DRC11: variants seen among roughly 807,000 people sequenced by gnomAD.
DRC11 encodes the protein IQ and AAA domain-containing protein 1.
chr2:236,371,239 G>A, the DRC11 span, among the ~76,000 whole-genome samples: 1 of 152,138 alleles, frequency 6.6e-6, no homozygotes, highest in Non-Finnish European at 1.5e-5. The surrounding 1 kb of genome is among the most constrained non-coding windows in gnomAD (Gnocchi z 5.1). Flanking sequence ...GCTTTGCAGT[G>A]CTGGCCTCTG....
the DRC11 span, among the ~76,000 whole-genome samples, chr2:236,429,172 G>A: frequency 6.6e-6 from 1 of 152,154 alleles, no homozygotes; most frequent in African/African-American, 2.4e-5. The surrounding 1 kb of genome is among the most constrained non-coding windows in gnomAD (Gnocchi z 5.9). Flanking sequence ...CAAGTGTTGG[G>A]GTATGTGGTG....
At chr2:236,392,390 T>A in the DRC11 span, 16 of 1,173,770 alleles carry the variant, frequency 1.4e-5, no homozygotes, top group East Asian at 1.0e-4. This position sits in a 1 kb window ranked among gnomAD's most constrained non-coding sequence, Gnocchi z 5.1. Flanking sequence ...AAAGAAAAAA[T>A]TTTAAAAAGA....
the DRC11 span, among the ~76,000 whole-genome samples, chr2:236,470,523 A>G: frequency 6.6e-6 from 1 of 152,184 alleles, no homozygotes; most frequent in African/African-American, 2.4e-5. The surrounding 1 kb of genome is among the most constrained non-coding windows in gnomAD (Gnocchi z 5.1). Flanking sequence ...AATTTTGCAC[A>G]TGGAAGACCT....
chr2:236,353,069 C>A, the DRC11 span, among the ~76,000 whole-genome samples: 818 of 152,316 alleles, frequency 5.4e-3, 10 homozygotes, highest in African/African-American at 0.019. The surrounding 1 kb of genome is among the most constrained non-coding windows in gnomAD (Gnocchi z 5.0). Context: ...AAACTCTCTG[C>A]CAATTTGCTA....
At chr2:236,409,162 A>G in the DRC11 span, 8 of 328,008 alleles carry the variant, frequency 2.4e-5, no homozygotes, top group South Asian at 2.8e-4. Context: ...GCTAGAGTGC[A>G]GTGGTGCAAT....
the DRC11 span, among the ~76,000 whole-genome samples, chr2:236,459,458 G>A: frequency 6.8e-6 from 1 of 148,030 alleles, no homozygotes; most frequent in South Asian, 2.1e-4. Flanking sequence ...ATTGGAGAAA[G>A]AATTCCTAAA....
At chr2:236,436,536 T>C in the DRC11 span, among the ~76,000 whole-genome samples, 5 of 152,162 alleles carry the variant, frequency 3.3e-5, no homozygotes, top group Non-Finnish European at 5.9e-5. Flanking sequence ...CTACTTGATT[T>C]TGCCAAATGG....
chr2:236,504,199 TG>T, the DRC11 span, among the ~76,000 whole-genome samples: 46 of 147,002 alleles, frequency 3.1e-4, no homozygotes, highest in South Asian at 1.7e-3. This position sits in a 1 kb window ranked among gnomAD's most constrained non-coding sequence, Gnocchi z 5.0. Flanking sequence ...TACACGGCGG[TG>T]GGGGGGGGCG....
the DRC11 span, among the ~76,000 whole-genome samples, chr2:236,350,143 C>T: frequency 1.2e-4 from 18 of 152,330 alleles, no homozygotes; most frequent in Admixed American, 1.2e-3. This position sits in a 1 kb window ranked among gnomAD's most constrained non-coding sequence, Gnocchi z 5.2. Flanking sequence ...GATTTTGAGA[C>T]CCACAATCTT....
the DRC11 span, chr2:236,367,421 C>T: frequency 6.6e-6 from 1 of 151,434 alleles, no homozygotes; most frequent in Non-Finnish European, 1.5e-5. The surrounding 1 kb of genome is among the most constrained non-coding windows in gnomAD (Gnocchi z 4.8). Flanking sequence ...GTCTTAAGTT[C>T]TGAAGTCAAA....
the DRC11 span, among the ~76,000 whole-genome samples, chr2:236,340,366 T>C: frequency 0.017 from 2,578 of 152,344 alleles, 35 homozygotes; most frequent in Non-Finnish European, 0.028. Context: ...TTAAGTGATC[T>C]GCCCGCTTCG....
the DRC11 span, among the ~76,000 whole-genome samples, chr2:236,340,413 C>T: frequency 4.0e-4 from 61 of 152,274 alleles, no homozygotes; most frequent in Non-Finnish European, 5.3e-4. Flanking sequence ...TGTGAGCCAC[C>T]GTGCCTGGCC....
chr2:236,353,879 G>C, the DRC11 span, among the ~76,000 whole-genome samples: 1 of 152,064 alleles, frequency 6.6e-6, no homozygotes, highest in African/African-American at 2.4e-5. The surrounding 1 kb of genome is among the most constrained non-coding windows in gnomAD (Gnocchi z 5.0). Context: ...TGGTCACTTG[G>C]ATTCTGTTTA....
At chr2:236,451,945 A>G in the DRC11 span, among the ~76,000 whole-genome samples, 5 of 152,230 alleles carry the variant, frequency 3.3e-5, no homozygotes, top group African/African-American at 1.2e-4. Context: ...TATGCCTAGT[A>G]GACAATTTCC....
the DRC11 span, among the ~76,000 whole-genome samples, chr2:236,345,105 A>ATGTG: frequency 6.8e-6 from 1 of 146,454 alleles, no homozygotes; most frequent in African/African-American, 2.6e-5. Flanking sequence ...CTGGTTGTAA[A>ATGTG]CGTGCTTCCC....
At chr2:236,446,556 G>C in the DRC11 span, among the ~76,000 whole-genome samples, 2 of 152,306 alleles carry the variant, frequency 1.3e-5, no homozygotes, top group East Asian at 3.9e-4. The surrounding 1 kb of genome is among the most constrained non-coding windows in gnomAD (Gnocchi z 6.2). Context: ...CACTTACCCT[G>C]TCTTTGTTTT....
At chr2:236,502,070 C>A in the DRC11 span, among the ~76,000 whole-genome samples, 1 of 152,174 alleles carries the variant, frequency 6.6e-6, no homozygotes, top group South Asian at 2.1e-4. Flanking sequence ...TCCCCACACA[C>A]CAACAAAAAA....
At chr2:236,447,548 C>T in the DRC11 span, among the ~76,000 whole-genome samples, 3 of 147,826 alleles carry the variant, frequency 2.0e-5, no homozygotes, top group Non-Finnish European at 4.4e-5. The surrounding 1 kb of genome is among the most constrained non-coding windows in gnomAD (Gnocchi z 4.6). Context: ...AAGAAAGGCA[C>T]CAGCATTCAC....
chr2:236,446,414 T>C, the DRC11 span, among the ~76,000 whole-genome samples: 1 of 152,170 alleles, frequency 6.6e-6, no homozygotes, highest in South Asian at 2.1e-4. This position sits in a 1 kb window ranked among gnomAD's most constrained non-coding sequence, Gnocchi z 6.2. Context: ...ATCTGGGGAC[T>C]TCCCCAGGAG....
Sources: allele counts gnomAD v4.1 joint callset (sites outside exome capture counted in the v4.1 genomes callset), GRCh38; gene constraint gnomAD v4.1.1; non-coding constraint Gnocchi (gnomAD v3.1); transcripts MANE v1.5; gene names NCBI Gene and HGNC (gene_info 2026-07-23, HGNC 2026-07-21).